TRIB2: variants seen among roughly 807,000 people sequenced by gnomAD.
TRIB2 encodes tribbles homolog 2.
Under a neutral mutation model 26.8 loss-of-function variants are expected in TRIB2, and 2 were observed. That is an observed-to-expected ratio of 0.07 (90% confidence interval 0.03 to 0.24). The LOEUF is 0.24. TRIB2 is among the 10% of genes least tolerant of loss of function. The pLI is 1.00. For synonymous variants in TRIB2, 189 were observed against 187.3 expected, an observed-to-expected ratio of 1.01 and a Z score of -0.08; for missense variants, 306 against 449.0, an observed-to-expected ratio of 0.68 and a Z score of 2.88.
chr2:12,718,682 G>T lies in TRIB2; in HGVS notation c.270+105G>T. 7.0e-7 allele frequency: 1 copy of T among 1,423,634 alleles called. No individual in the cohort carries two copies. The highest frequency in any genetic ancestry group is 9.4e-7 in the Non-Finnish European group (1 of 1,058,486). 88.2% of individuals were successfully genotyped at this position (1,423,634 alleles called of 1,614,324 possible). ...GAGGGAGATTCGCGGGATAATTACC[G>T]TGGCCTTATTAAATGGGTTTATTTA... On this transcript the variant is annotated intron_variant, in intron 1 of 2. Transcript: ENST00000155926. The surrounding 1 kb of genome is among the most constrained non-coding windows in gnomAD (Gnocchi z 4.0).
intron 2 of TRIB2, among the ~76,000 whole-genome samples, chr2:12,736,500 G>A (rs1018760979): frequency 2.0e-5 from 3 of 152,150 alleles, no homozygotes; most frequent in African/African-American, 4.8e-5. Flanking sequence ...ATTCCTTGAT[G>A]CTGTCATTTA....
At chr2:12,729,077 C>G (rs1292490425) in intron 2 of TRIB2, among the ~76,000 whole-genome samples, 1 of 152,152 alleles carries the variant, frequency 6.6e-6, no homozygotes, top group Non-Finnish European at 1.5e-5. Context: ...CTGGAATTCC[C>G]TTATTTATGA....
At position 12,718,582 on chromosome 2, in the gene TRIB2, A is replaced by AGT. The variant is rs1666652397; in HGVS notation, c.270+6_270+7insTG. 2 of 1,610,032 alleles carry AGT rather than the reference A, an allele frequency of 1.2e-6. No homozygotes were observed. Among genetic ancestry groups the AGT allele is most frequent in the Non-Finnish European group, 8.5e-7 (1 of 1,176,498 alleles). Reference sequence around the variant, plus strand: ...GGAGAGGAGCTGGTGTGCAAGGTAAAGGGCCAGTGGGTTGCTTTTTGTCTT... The same window carrying AGT: ...GGAGAGGAGCTGGTGTGCAAGGTAAAGTGGGCCAGTGGGTTGCTTTTTGTCTT... On this transcript the variant is annotated splice_donor_region_variant and intron_variant, in intron 1 of 2. Coordinates refer to ENST00000155926, the MANE Select transcript of TRIB2 (RefSeq NM_021643.4). This position sits in a 1 kb window ranked among gnomAD's most constrained non-coding sequence, Gnocchi z 4.0.
intron 2 of TRIB2, among the ~76,000 whole-genome samples, chr2:12,726,746 G>A (rs1262804378): frequency 1.3e-5 from 2 of 152,192 alleles, no homozygotes; most frequent in Non-Finnish European, 2.9e-5. Context: ...CCTCTTTTGC[G>A]CATCAGTCTT....
chr2:12,721,533 G>T (rs1254693872), intron 1 of TRIB2, among the ~76,000 whole-genome samples: 2 of 152,182 alleles, frequency 1.3e-5, no homozygotes, highest in Non-Finnish European at 2.9e-5. Context: ...TGCATTCAGG[G>T]TGTTAAAGTT....
chr2:12,728,635 T>C (rs1661382073), intron 2 of TRIB2, among the ~76,000 whole-genome samples: 1 of 152,228 alleles, frequency 6.6e-6, no homozygotes, highest in African/African-American at 2.4e-5. Context: ...TCTTTATCTC[T>C]TGACGTGACA....
At chr2:12,719,683 A>T (rs1423481766) in intron 1 of TRIB2, among the ~76,000 whole-genome samples, 2 of 150,524 alleles carry the variant, frequency 1.3e-5, no homozygotes, top group Non-Finnish European at 2.9e-5. Context: ...CGCTTTTGCC[A>T]TTCACCACAG....
At chr2:12,720,794 G>T (rs1219499862) in intron 1 of TRIB2, among the ~76,000 whole-genome samples, 1 of 152,162 alleles carries the variant, frequency 6.6e-6, no homozygotes, top group Non-Finnish European at 1.5e-5. Flanking sequence ...AATCAAGGCT[G>T]CTTATTGTCT....
intron 2 of TRIB2, among the ~76,000 whole-genome samples, chr2:12,726,533 C>T (rs1661343565): frequency 6.6e-6 from 1 of 152,222 alleles, no homozygotes; most frequent in Non-Finnish European, 1.5e-5. Context: ...AATTGCATCA[C>T]TTTTAGTGGA....
chr2:12,717,257 G>C lies in TRIB2; in HGVS notation c.-1051G>C. On this transcript the variant is annotated 5_prime_UTR_variant, in exon 1 of 3. Coordinates refer to ENST00000155926, the MANE Select transcript of TRIB2 (RefSeq NM_021643.4). This position sits in a 1 kb window ranked among gnomAD's most constrained non-coding sequence, Gnocchi z 4.8. ...GTGATTGCAAATTATTCCAGGACGA[G>C]ATCCAGTTCTCCAGCGGGAAAGGGG... The C allele has an allele frequency of 2.5e-6, 1 of 397,928 alleles. No homozygotes were observed. 24.6% of individuals were successfully genotyped at this position (397,928 alleles called of 1,614,324 possible).
intron 2 of TRIB2, among the ~76,000 whole-genome samples, chr2:12,739,061 A>G (rs35056165): frequency 0.45 from 68,530 of 151,806 alleles, 16,350 homozygotes; most frequent in East Asian, 0.83. Flanking sequence ...CCTAGTTTGA[A>G]AAGGATCTTG....
rs995078735 is a variant in TRIB2, at chr2:12,718,765, C to T, written c.270+188C>T. Among the ~76,000 whole-genome samples, 5 of 151,488 alleles carry T rather than the reference C, an allele frequency of 3.3e-5. No homozygotes were observed. Among genetic ancestry groups the T allele is most frequent in the Admixed American group, 1.3e-4 (2 of 15,238 alleles). On this transcript the variant is annotated intron_variant, in intron 1 of 2. Transcript: ENST00000155926. The surrounding 1 kb of genome is among the most constrained non-coding windows in gnomAD (Gnocchi z 4.0). ...TTTTAGACCGTTTCAGACAATGGGG[C>T]GGGCGGCAGTGGGGGCGTTTCGGGG...
intron 2 of TRIB2, chr2:12,724,692 C>G: frequency 6.2e-7 from 1 of 1,612,926 alleles, no homozygotes; most frequent in Non-Finnish European, 8.5e-7. Context: ...CCTCTGTGAT[C>G]TTGGATTGGT....
In TRIB2 at chr2:12,740,524, C is replaced by T. The variant is rs371662950; in HGVS notation, c.762C>T (p.Phe254=). Residue 254 remains phenylalanine (F), a synonymous_variant, in exon 3 of 3, where the codon TTC becomes TTT. Coordinates refer to ENST00000155926, the MANE Select transcript of TRIB2 (RefSeq NM_021643.4). This position sits in a 1 kb window ranked among gnomAD's most constrained non-coding sequence, Gnocchi z 5.8. ...CCATGTTGGTGGGGCGGTACCCTTT[C>T]CATGACATTGAACCCAGCTCCCTCT... ...LYTMLVGRYP[F]HDIEPSSLFS... is the part of the protein sequence containing the mutation. 3 of 1,614,048 alleles carry T rather than the reference C, an allele frequency of 1.9e-6. No individual in the cohort carries two copies. The highest frequency in any genetic ancestry group is 1.7e-5 in the Admixed American group (1 of 59,998).
chr2:12,740,799 A>T lies in TRIB2; in HGVS notation c.*5A>T, dbSNP rs1234370321. ...TTGGACCCTTTCTTTAACTGAGCTC[A>T]TGCCCCACGGAGACTTAGCAGGTTC... On this transcript the variant is annotated 3_prime_UTR_variant, in exon 3 of 3. Coordinates refer to ENST00000155926, the MANE Select transcript of TRIB2 (RefSeq NM_021643.4). The surrounding 1 kb of genome is among the most constrained non-coding windows in gnomAD (Gnocchi z 5.8). 2.5e-6 allele frequency: 4 copies of T among 1,607,672 alleles called. No homozygotes were observed. The Admixed American group carries it at 6.7e-5, about 27-fold the overall frequency.
At chr2:12,724,009 T>C (rs1661283090) in intron 2 of TRIB2, among the ~76,000 whole-genome samples, 2 of 152,194 alleles carry the variant, frequency 1.3e-5, no homozygotes. Flanking sequence ...ACTATTAATA[T>C]CTAGATGAAT....
At position 12,740,305 on chromosome 2, in the gene TRIB2, T is replaced by C; in HGVS notation, c.564-21T>C. 1.9e-6 allele frequency: 3 copies of C among 1,608,228 alleles called. No individual in the cohort carries two copies. The highest frequency in any genetic ancestry group is 1.7e-5 in the Admixed American group (1 of 59,754). ...GTCTCTGAGCACCCTCAGGAGCTTA[T>C]GTTTTCCTCCTTTCTTGCAGGACTC... On this transcript the variant is annotated intron_variant, in intron 2 of 2. Transcript: ENST00000155926. This position sits in a 1 kb window ranked among gnomAD's most constrained non-coding sequence, Gnocchi z 5.8.
In TRIB2 at chr2:12,740,983, G is replaced by A. The variant is rs1661699526; in HGVS notation, c.*189G>A. On this transcript the variant is annotated 3_prime_UTR_variant, in exon 3 of 3. Coordinates refer to ENST00000155926, the MANE Select transcript of TRIB2 (RefSeq NM_021643.4). This position sits in a 1 kb window ranked among gnomAD's most constrained non-coding sequence, Gnocchi z 5.8. ...AGCATGGGGGCAAGAGGCGTGGGAT[G>A]GGGATTGGGGTGAGATGGATGGGAG... 3.3e-6 allele frequency: 2 copies of A among 606,598 alleles called. No homozygotes were observed. Among genetic ancestry groups the A allele is most frequent in the Non-Finnish European group, 5.7e-6 (2 of 349,316 alleles). The allele number at this position is 606,598 out of a possible 1,614,324, so 37.6% of individuals were successfully genotyped here.
At chr2:12,723,850 A>G (rs775702754) in intron 2 of TRIB2, among the ~76,000 whole-genome samples, 5 of 152,206 alleles carry the variant, frequency 3.3e-5, no homozygotes, top group Non-Finnish European at 7.3e-5. Context: ...CCTCTTTGAC[A>G]TTTTCAATGC....
Sources: gnomAD v4.1 joint callset for allele counts (sites outside exome capture counted in the v4.1 genomes callset) on GRCh38, gnomAD v4.1.1 for gene constraint, Gnocchi (gnomAD v3.1) non-coding constraint, MANE v1.5 for transcripts, NCBI Gene and HGNC (gene_info 2026-07-23, HGNC 2026-07-21) for gene names.